Variants in CLIC5 observed in about 807,000 individuals in gnomAD.
CLIC5 encodes the protein CLIC family member 5.
A neutral mutation model predicts 24.7 loss-of-function variants in CLIC5; 20 were observed. That is an observed-to-expected ratio of 0.81 (90% CI 0.57 to 1.18). CLIC5 has a LOEUF of 1.18. Ranked by LOEUF, CLIC5 falls within the 50% of genes most tolerant of loss-of-function variation. CLIC5 has a pLI of 0.00. For missense variants in CLIC5, 341 were observed against 326.1 expected (o/e 1.05, Z -0.35); for synonymous variants, 159 against 135.6 (o/e 1.17, Z -1.20).
chr6:46,100,777 C>T, the CLIC5 span, among the ~76,000 whole-genome samples: 4 of 152,136 alleles, frequency 2.6e-5, no homozygotes, highest in African/African-American at 7.2e-5. Flanking sequence ...GAAAAATCAA[C>T]TCACAAAAGG....
chr6:46,126,640 T>A, the CLIC5 span, among the ~76,000 whole-genome samples: 1 of 152,228 alleles, frequency 6.6e-6, no homozygotes, highest in South Asian at 2.1e-4. Context: ...ATAAGGTCCT[T>A]TTCCCCTGTT....
At chr6:45,936,284 A>C (rs1763932477) in intron 4 of CLIC5, among the ~76,000 whole-genome samples, 1 of 144,208 alleles carries the variant, frequency 6.9e-6, no homozygotes, top group East Asian at 2.1e-4. Context: ...GGCTCACTGC[A>C]ACCTCCGCCT....
intron 1 of CLIC5, among the ~76,000 whole-genome samples, chr6:45,988,885 C>A (rs1258501964): frequency 6.6e-6 from 1 of 152,190 alleles, no homozygotes; most frequent in African/African-American, 2.4e-5. Flanking sequence ...AGTGCAGCTG[C>A]AGCCACTGGC....
chr6:45,897,913 G>A (rs35579787), downstream of CLIC5, among the ~76,000 whole-genome samples: 9,356 of 151,924 alleles, frequency 0.062, 430 homozygotes, highest in Middle Eastern at 0.15. Context: ...CACTGAAAGA[G>A]CATCAGTATA....
the CLIC5 span, among the ~76,000 whole-genome samples, chr6:46,105,540 C>A: frequency 0.13 from 20,095 of 152,090 alleles, 1,792 homozygotes; most frequent in South Asian, 0.33. Flanking sequence ...CCTATGCTGT[C>A]TTTCTCTTTA....
chr6:46,091,160 T>C, the CLIC5 span, among the ~76,000 whole-genome samples: 1 of 152,224 alleles, frequency 6.6e-6, no homozygotes, highest in Non-Finnish European at 1.5e-5. Flanking sequence ...TTTTAACACA[T>C]GTATTGTAGT....
chr6:46,117,449 A>G, the CLIC5 span, among the ~76,000 whole-genome samples: 1 of 152,246 alleles, frequency 6.6e-6, no homozygotes, highest in African/African-American at 2.4e-5. Context: ...GTGTTGGTTA[A>G]CTAATATATT....
chr6:46,041,000 G>A (rs1415554870), intron 1 of CLIC5, among the ~76,000 whole-genome samples: 1 of 152,170 alleles, frequency 6.6e-6, no homozygotes, highest in Non-Finnish European at 1.5e-5. Context: ...GTATAGCAGT[G>A]TTATTTATAA....
upstream of CLIC5, among the ~76,000 whole-genome samples, chr6:46,017,433 G>A (rs1021048379): frequency 6.6e-6 from 1 of 152,166 alleles, no homozygotes. Context: ...TACAAGTGGG[G>A]AAACTGAGAC....
intron 1 of CLIC5, among the ~76,000 whole-genome samples, chr6:46,048,531 C>T (rs1355112202): frequency 6.6e-6 from 1 of 151,982 alleles, no homozygotes; most frequent in Non-Finnish European, 1.5e-5. Context: ...GTCTCTTTGC[C>T]AGTGGTAAAT....
the CLIC5 span, among the ~76,000 whole-genome samples, chr6:46,115,042 A>G: frequency 1.3e-5 from 2 of 152,228 alleles, no homozygotes; most frequent in African/African-American, 4.8e-5. Context: ...TTTGAGTAGT[A>G]GCTTAGCAAC....
intron 1 of CLIC5, among the ~76,000 whole-genome samples, chr6:45,958,422 T>TTATATTTA (rs1764718374): frequency 1.2e-4 from 1 of 8,368 alleles, no homozygotes; most frequent in African/African-American, 3.6e-4. Flanking sequence ...AAAAAGACAA[T>TTATATTTA]TATATATATA....
intron 1 of CLIC5, among the ~76,000 whole-genome samples, chr6:46,041,643 CAT>C (rs1471336426): frequency 1.3e-5 from 2 of 152,160 alleles, no homozygotes; most frequent in African/African-American, 2.4e-5. Flanking sequence ...AATTTAATTA[CAT>C]GTCTGCTCAT....
At position 46,078,207 on chromosome 6, in the gene CLIC5, A is replaced by G. The variant is rs565277085; in HGVS notation, c.540+1496T>C. On this transcript the variant is annotated intron_variant, in intron 1 of 5. Coordinates refer to the CLIC5 transcript ENST00000185206. ...AAACCCCATCTCTACTAAAAATTCA[A>G]AAATTAGCCAGACCAGGTGGCACAT... 3.3e-5 allele frequency among the ~76,000 whole-genome samples: 5 copies of G among 152,162 alleles called. No homozygotes were observed. The South Asian group carries it at 1.0e-3, about 32-fold the overall frequency.
chr6:45,914,634 T>A (rs1403227607), intron 4 of CLIC5: 1 of 833,290 alleles, frequency 1.2e-6, no homozygotes. Context: ...CTAGCTAATC[T>A]TTTGCTTTGA....
intron 3 of CLIC5, among the ~76,000 whole-genome samples, chr6:45,947,688 T>C (rs1241888435): frequency 6.6e-6 from 1 of 152,178 alleles, no homozygotes; most frequent in Non-Finnish European, 1.5e-5. Flanking sequence ...GCATTTTTTT[T>C]CATGTGGGAT....
intron 1 of CLIC5, among the ~76,000 whole-genome samples, chr6:46,021,081 T>C (rs1170272644): frequency 3.8e-5 from 3 of 78,468 alleles, no homozygotes; most frequent in African/African-American, 1.3e-4. Context: ...AAAGAATTTT[T>C]ACAACTCAAA....
upstream of CLIC5, among the ~76,000 whole-genome samples, chr6:46,017,655 T>C (rs916666756): frequency 1.3e-5 from 2 of 152,182 alleles, no homozygotes; most frequent in Non-Finnish European, 2.9e-5. Flanking sequence ...AATAGTTACA[T>C]GAAATGAAAA....
chr6:46,084,582 A>C (rs1255125374), upstream of CLIC5, among the ~76,000 whole-genome samples: 1 of 152,152 alleles, frequency 6.6e-6, no homozygotes, highest in African/African-American at 2.4e-5. Context: ...TCTTTCCTTT[A>C]AGAATGTTGA....
Sources: allele counts gnomAD v4.1 joint callset (sites outside exome capture counted in the v4.1 genomes callset), GRCh38; gene constraint gnomAD v4.1.1; transcripts MANE v1.5; gene names NCBI Gene and HGNC (gene_info 2026-07-23, HGNC 2026-07-21).